The following PDE1C variants were observed in gnomAD, a reference collection of about 807,000 sequenced individuals.
PDE1C encodes phosphodiesterase 1C.
In PDE1C, 62 loss-of-function variants were observed where a neutral mutation model predicts 93.1. The observed-to-expected ratio is 0.67, with a 90% CI of 0.54 to 0.82. PDE1C has a LOEUF of 0.82. PDE1C is among the 40% of genes least tolerant of loss of function. PDE1C has a pLI of 0.00. For missense variants in PDE1C, 742 were observed against 884.6 expected (o/e 0.84, Z 2.04); for synonymous variants, 325 against 310.1 (o/e 1.05, Z -0.50).
intron 1 of PDE1C, among the ~76,000 whole-genome samples, chr7:32,288,409 G>C (rs1443270031): frequency 6.6e-6 from 1 of 152,176 alleles, no homozygotes; most frequent in Non-Finnish European, 1.5e-5. Flanking sequence ...TAGTCACTAA[G>C]ACCAGGCTTA....
intron 6 of PDE1C, among the ~76,000 whole-genome samples, chr7:31,867,292 T>A (rs756047842): frequency 3.1e-4 from 47 of 152,006 alleles, no homozygotes; most frequent in Non-Finnish European, 4.0e-4. Context: ...AAGTGCATGC[T>A]CCCCAGCCAC....
chr7:32,213,877 A>T (rs550515219), intron 1 of PDE1C, among the ~76,000 whole-genome samples: 20 of 152,328 alleles, frequency 1.3e-4, no homozygotes, highest in African/African-American at 4.1e-4. Context: ...CAGAGGGATG[A>T]GTAGAAGTGT....
At chr7:31,700,796 A>G in the PDE1C span, among the ~76,000 whole-genome samples, 1 of 152,132 alleles carries the variant, frequency 6.6e-6, no homozygotes, top group East Asian at 1.9e-4. Context: ...TGTTAAATTG[A>G]AGCTGCCTGT....
At chr7:32,394,037 A>C (rs1784799000) in intron 1 of PDE1C, among the ~76,000 whole-genome samples, 4 of 152,320 alleles carry the variant, frequency 2.6e-5, no homozygotes, top group South Asian at 4.1e-4. Context: ...CTCAGAAGTG[A>C]TATCATACAG....
intron 16 of PDE1C, among the ~76,000 whole-genome samples, chr7:31,783,322 G>A (rs540582650): frequency 6.6e-6 from 1 of 152,166 alleles, no homozygotes; most frequent in African/African-American, 2.4e-5. Context: ...GAAATGAAAC[G>A]TGATATAGTC....
At chr7:31,757,937 C>A (rs988914684) in intron 17 of PDE1C, among the ~76,000 whole-genome samples, 6 of 152,120 alleles carry the variant, frequency 3.9e-5, no homozygotes, top group African/African-American at 1.4e-4. Context: ...GAAAATGTGG[C>A]ACATATACAC....
chr7:31,675,297 G>C, the PDE1C span, among the ~76,000 whole-genome samples: 3,203 of 152,246 alleles, frequency 0.021, 47 homozygotes, highest in Middle Eastern at 0.054. Flanking sequence ...CCTTCTTCCA[G>C]ATTTGTGCAA....
intron 3 of PDE1C, among the ~76,000 whole-genome samples, chr7:32,119,208 A>G (rs1204455777): frequency 1.3e-5 from 2 of 152,188 alleles, no homozygotes; most frequent in African/African-American, 2.4e-5. Context: ...GATTCTGAGA[A>G]AACTGGAAGG....
At chr7:32,086,805 T>G (rs1175363372) in intron 3 of PDE1C, among the ~76,000 whole-genome samples, 6 of 152,158 alleles carry the variant, frequency 3.9e-5, no homozygotes, top group Non-Finnish European at 8.8e-5. Context: ...TAGCCATATG[T>G]AGAAACTGAA....
At chr7:31,839,300 A>G (rs1791537589) in intron 9 of PDE1C, among the ~76,000 whole-genome samples, 2 of 150,988 alleles carry the variant, frequency 1.3e-5, no homozygotes, top group Non-Finnish European at 3.0e-5. Flanking sequence ...CATTGAAAAT[A>G]TACACACATA....
In PDE1C at chr7:31,994,137, G is replaced by A. The variant is rs566369063; in HGVS notation, c.128+57417C>T. On this transcript the variant is annotated intron_variant, in intron 2 of 17. Transcript: ENST00000396191. The stretch of plus-strand genomic sequence containing the variant: ...AGCCCAAGGAGAGCTGCATACAGAG[G>A]CAAAGCAACAATCACAATGTGTGGT... Among the ~76,000 whole-genome samples the A allele has an allele frequency of 5.3e-5, 8 of 152,132 alleles. No homozygotes were observed. The South Asian group carries it at 1.7e-3, about 32-fold the overall frequency.
chr7:31,953,813 C>G (rs867386369), intron 2 of PDE1C, among the ~76,000 whole-genome samples: 1 of 151,790 alleles, frequency 6.6e-6, no homozygotes, highest in African/African-American at 2.4e-5. Context: ...GGAAAAAAGA[C>G]AATAAGTCTT....
intron 3 of PDE1C, among the ~76,000 whole-genome samples, chr7:32,084,104 C>A (rs1413178714): frequency 1.3e-5 from 2 of 152,014 alleles, no homozygotes; most frequent in African/African-American, 4.8e-5. Flanking sequence ...ATTCAGGAAA[C>A]CCATCTCACG....
chr7:32,171,728 T>C (rs376590460), intron 2 of PDE1C, among the ~76,000 whole-genome samples: 2 of 151,106 alleles, frequency 1.3e-5, no homozygotes, highest in East Asian at 1.9e-4. Flanking sequence ...ATAAATTATA[T>C]GACAATACTA....
chr7:31,652,875 A>G, the PDE1C span: 3 of 1,576,684 alleles, frequency 1.9e-6, no homozygotes, highest in African/African-American at 4.1e-5. Flanking sequence ...AAAGGCCCAG[A>G]ACAGATGTAG....
chr7:32,392,758 C>T (rs1446597615), intron 1 of PDE1C, among the ~76,000 whole-genome samples: 1 of 151,916 alleles, frequency 6.6e-6, no homozygotes, highest in Non-Finnish European at 1.5e-5. Flanking sequence ...GATTAAAAAG[C>T]ACATATATAT....
chr7:31,726,153 C>T, the PDE1C span, among the ~76,000 whole-genome samples: 16 of 152,310 alleles, frequency 1.1e-4, no homozygotes, highest in South Asian at 2.9e-3. Flanking sequence ...ACTGTAGCCT[C>T]AAACTCTTGG....
chr7:31,676,501 A>C, the PDE1C span, among the ~76,000 whole-genome samples: 1 of 152,166 alleles, frequency 6.6e-6, no homozygotes, highest in African/African-American at 2.4e-5. Flanking sequence ...ATTTCTTAAA[A>C]ACAAAAAAAT....
intron 1 of PDE1C, among the ~76,000 whole-genome samples, chr7:32,330,024 T>C (rs1280277780): frequency 2.6e-5 from 4 of 152,348 alleles, no homozygotes; most frequent in Admixed American, 1.3e-4. Context: ...GAAATCAAGA[T>C]TGAATATAGC....
Sources: allele counts gnomAD v4.1 joint callset (sites outside exome capture counted in the v4.1 genomes callset), GRCh38; gene constraint gnomAD v4.1.1; transcripts MANE v1.5; gene names NCBI Gene and HGNC (gene_info 2026-07-23, HGNC 2026-07-21).